Variants in PZP observed in about 807,000 individuals in gnomAD.
PZP encodes PZP alpha-2-macroglobulin like.
A neutral mutation model predicts 179.8 loss-of-function variants in PZP; 150 were observed. That is an observed-to-expected ratio of 0.83 (90% confidence interval 0.73 to 0.96). The LOEUF (loss-of-function observed/expected upper bound fraction) is 0.96, where lower values mean the gene tolerates loss of function less well. PZP is among the 40% of genes least tolerant of loss of function. The pLI is 0.00. For synonymous variants in PZP, 624 were observed against 652.3 expected (o/e 0.96, Z 0.66); for missense variants, 1,689 against 1,764.0 (o/e 0.96, Z 0.76).
chr12:9,153,685 G>A (rs2120545149), intron 29 of PZP, among the ~76,000 whole-genome samples: 1 of 152,300 alleles, frequency 6.6e-6, no homozygotes, highest in East Asian at 1.9e-4. Context: ...TTAGATGGAA[G>A]AGTGATAAAA....
At chr12:9,185,781 A>C (rs1943061581) in intron 13 of PZP, among the ~76,000 whole-genome samples, 1 of 63,186 alleles carries the variant, frequency 1.6e-5, no homozygotes, top group Non-Finnish European at 3.5e-5. Flanking sequence ...TTTGGGGCCT[A>C]TGTTCAACAT....
At position 9,192,681 on chromosome 12, in the gene PZP, T is replaced by C; in HGVS notation, c.1313A>G (p.Gln438Arg). 2 of 1,614,034 alleles carry C rather than the reference T, an allele frequency of 1.2e-6. No homozygotes were observed. Among genetic ancestry groups the C allele is most frequent in the Non-Finnish European group, 1.7e-6 (2 of 1,179,848 alleles). The change falls in exon 12 of 36, where the codon CAG becomes CGG. Residue 438 changes from glutamine to arginine, a missense_variant. Physicochemically the swap from Gln to Arg is conservative, Grantham distance 43 (BLOSUM62 1). Coordinates refer to ENST00000261336, the MANE Select transcript of PZP (RefSeq NM_002864.3). Reference sequence around the variant, plus strand: ...ACGATTTGCAGTGTGCTGAGCACCCTGGTGGTCTTCTGCTACCCATGAATA... The same window carrying C: ...ACGATTTGCAGTGTGCTGAGCACCCCGGTGGTCTTCTGCTACCCATGAATA... ...FHYSWVAEDH[Q>R]GAQHTANRVF... is the part of the protein sequence containing the mutation.
Position 9,169,404 on chromosome 12 carries a change from A to G in PZP, c.2001+26T>C, listed in dbSNP as rs748252520. ...AACATTCAAAAACTCACAAGCCAGCATGTTAATAAGTAGTGAGAATTTTAC... is the reference window on the plus strand; with the variant it reads ...AACATTCAAAAACTCACAAGCCAGCGTGTTAATAAGTAGTGAGAATTTTAC... On this transcript the variant is annotated intron_variant, in intron 16 of 35. Transcript: ENST00000261336. 9.1e-6 allele frequency: 14 copies of G among 1,543,038 alleles called. No homozygotes were observed. In the African/African-American group the frequency reaches 1.5e-4, roughly 17 times the overall value.
At chr12:9,205,677 T>C (rs185339615) in intron 1 of PZP, among the ~76,000 whole-genome samples, 4 of 152,340 alleles carry the variant, frequency 2.6e-5, no homozygotes, top group Admixed American at 2.6e-4. Context: ...AGAGTAAATT[T>C]GCAAGTAAAA....
intron 13 of PZP, 82 bp from the exon 14 acceptor site, chr12:9,182,199 C>T: frequency 2.1e-6 from 1 of 470,008 alleles, no homozygotes; most frequent in Non-Finnish European, 3.2e-6. Context: ...GACACTATTG[C>T]TTGGTCTTAT....
At chr12:9,162,268 G>C (rs1238545731) in intron 22 of PZP, 13 of 216,896 alleles carry the variant, frequency 6.0e-5, no homozygotes, top group Non-Finnish European at 2.7e-5. Flanking sequence ...GGCTAACCCT[G>C]CTCTCTTTCT....
At chr12:9,148,527 T>C (rs1461113457), downstream of PZP, among the ~76,000 whole-genome samples, 5 of 152,172 alleles carry the variant, frequency 3.3e-5, no homozygotes, top group Admixed American at 3.3e-4. Flanking sequence ...TCTCTAGATA[T>C]TAGTTTTTCC....
At chr12:9,167,346 T>C (rs1941656617) in intron 17 of PZP, 1 of 152,240 alleles carries the variant, frequency 6.6e-6, no homozygotes, top group Non-Finnish European at 1.5e-5. Flanking sequence ...CAACTTGACT[T>C]TCCACGTGTC....
intron 32 of PZP, 30 bp downstream of exon 32, chr12:9,152,190 T>C (rs1750199978): frequency 6.3e-6 from 9 of 1,439,976 alleles, no homozygotes; most frequent in South Asian, 2.3e-5. Flanking sequence ...TACTTTTGTA[T>C]GAAGTCTATT....
In PZP at chr12:9,182,053, G is replaced by A; in HGVS notation, c.1611C>T (p.Phe537=). The change falls in exon 14 of 36, where the codon TTC becomes TTT. Residue 537 remains phenylalanine (F), a synonymous_variant. Transcript: ENST00000261336. ...ESDVAPIARM[F]IFAILPDGEV... ...CTCCATCTGGTAAAATGGCAAAGAT[G>A]AACATTCGTGCAATGGGGGCAACGT... 1.2e-6 allele frequency: 2 copies of A among 1,613,684 alleles called. No homozygotes were observed. Among genetic ancestry groups the A allele is most frequent in the Non-Finnish European group, 1.7e-6 (2 of 1,179,834 alleles).
chr12:9,167,270 A>G (rs537236194), intron 17 of PZP: 4 of 152,346 alleles, frequency 2.6e-5, no homozygotes, highest in African/African-American at 4.8e-5. Context: ...TTAACAAACC[A>G]TGGCATTATG....
At chr12:9,193,938 T>G (rs1943599528) in intron 11 of PZP, 139 bp downstream of exon 11, 2 of 829,524 alleles carry the variant, frequency 2.4e-6, no homozygotes, top group Non-Finnish European at 3.5e-6. Context: ...CATGAAATTC[T>G]ATTATCCTCA....
the PZP span, among the ~76,000 whole-genome samples, chr12:9,139,742 C>A: frequency 1.3e-5 from 2 of 152,066 alleles, no homozygotes; most frequent in Non-Finnish European, 2.9e-5. Flanking sequence ...ATAAGTGTAG[C>A]CACTCCTCCT....
chr12:9,187,223 C>G (rs1020674033), intron 13 of PZP, among the ~76,000 whole-genome samples: 4 of 152,094 alleles, frequency 2.6e-5, no homozygotes, highest in Admixed American at 1.3e-4. Context: ...CAAAGAGACT[C>G]AGACTCCCAC....
In PZP at chr12:9,159,952, G is replaced by A; in HGVS notation, c.3123C>T (p.Asn1041=). The A allele has an allele frequency of 6.2e-7, 1 of 1,612,846 alleles. No homozygotes were observed. Among genetic ancestry groups the A allele is most frequent in the Non-Finnish European group, 8.5e-7 (1 of 1,178,986 alleles). Residue 1041 remains asparagine, a synonymous_variant, in exon 25 of 36, where the codon AAC becomes AAT. Coordinates refer to ENST00000261336, the MANE Select transcript of PZP (RefSeq NM_002864.3). ...TTCTTTCTTACCAAGTGTTGCCCTG[G>A]TTCCTGCCATATCGTTCCCCAAAGG... ...YSTFGERYGR[N]QGNTWLTAFV...
the PZP span, among the ~76,000 whole-genome samples, chr12:9,137,459 G>C: frequency 6.6e-6 from 1 of 152,056 alleles, no homozygotes; most frequent in African/African-American, 2.4e-5. Context: ...TAGGAAGTGT[G>C]AGTCCTCCAG....
intron 15 of PZP, among the ~76,000 whole-genome samples, chr12:9,174,623 C>A (rs1049350681): frequency 3.3e-5 from 5 of 152,160 alleles, no homozygotes; most frequent in African/African-American, 1.2e-4. Flanking sequence ...TCTCAGGATA[C>A]AAAATCAATG....
chr12:9,160,512 A>T, intron 23 of PZP, 22 bp from the exon 24 acceptor site: 2 of 1,600,488 alleles, frequency 1.2e-6, no homozygotes, highest in Non-Finnish European at 1.7e-6. Context: ...GAAAGATTAG[A>T]TGTCAGAATA....
At chr12:9,154,963 T>A in intron 28 of PZP, 124 bp from the exon 29 acceptor site, 1 of 989,134 alleles carries the variant, frequency 1.0e-6, no homozygotes. Flanking sequence ...AGGTCTTCTA[T>A]GTCATAAACT....
Sources: allele counts gnomAD v4.1 joint callset (sites outside exome capture counted in the v4.1 genomes callset), GRCh38; gene constraint gnomAD v4.1.1; transcripts MANE v1.5; gene names NCBI Gene and HGNC (gene_info 2026-07-23, HGNC 2026-07-21).